The following DNAAF10 variants were observed in gnomAD, a reference collection of about 807,000 sequenced individuals.
DNAAF10 encodes dynein axonemal assembly factor 10.
DNAAF10 carries 28 observed loss-of-function variants against 43.7 expected under a neutral mutation model. The observed-to-expected ratio is 0.64, with a 90% CI of 0.48 to 0.88. The LOEUF is 0.88. Among genes scored for constraint, DNAAF10 ranks in the 40% least tolerant of loss-of-function variants. The pLI is 0.00. For missense variants in DNAAF10, 403 were observed against 439.1 expected, an observed-to-expected ratio of 0.92 and a Z score of 0.73; for synonymous variants, 156 against 157.3, an observed-to-expected ratio of 0.99 and a Z score of 0.06.
chr2:68,147,760 GAA>G (rs748149803), intron 1 of DNAAF10, among the ~76,000 whole-genome samples, 193 bp from the exon 2 acceptor site: 1 of 152,086 alleles, frequency 6.6e-6, no homozygotes, highest in Non-Finnish European at 1.5e-5. Flanking sequence ...CTGTCAAAAA[GAA>G]AAAGTGTTAA....
At chr2:68,156,696 A>G (rs764104769) in intron 1 of DNAAF10, among the ~76,000 whole-genome samples, 4 of 152,250 alleles carry the variant, frequency 2.6e-5, no homozygotes, top group Non-Finnish European at 4.4e-5. Context: ...CTGCATGTGC[A>G]GAAGCCCTGG....
intron 1 of DNAAF10, among the ~76,000 whole-genome samples, chr2:68,153,899 G>A (rs1053426674): frequency 2.0e-5 from 3 of 150,740 alleles, no homozygotes; most frequent in East Asian, 2.0e-4. Context: ...TTACAGGCAC[G>A]CACCTGACCA....
rs13009282 is a variant in DNAAF10, at chr2:68,137,346, T to G, written c.721A>C (p.Met241Leu). The G allele has an allele frequency of 1.2e-6, 2 of 1,613,342 alleles. No homozygotes were observed. Among genetic ancestry groups the G allele is most frequent in the African/African-American group, 1.3e-5 (1 of 74,954 alleles). Residue 241 changes from methionine to leucine, a missense_variant, in exon 6 of 8, where the codon ATG (methionine) becomes CTG (leucine). Met to Leu is a conservative substitution (Grantham distance 15). Transcript: ENST00000295121. ...SLEGKFHVFD[M>L]RTQHPTKGFA... ...CCTTTGGTTGGATGCTGTGTTCTCA[T>G]GTCAAAAACATGGAACTTTCCTTCC...
chr2:68,138,595 T>G, intron 5 of DNAAF10, 147 bp downstream of exon 5: 2 of 636,138 alleles, frequency 3.1e-6, no homozygotes, highest in South Asian at 4.0e-5. Context: ...CATTAGATTC[T>G]CAAACGGATT....
At position 68,131,347 on chromosome 2, in the gene DNAAF10, T is replaced by C; in HGVS notation, c.965A>G (p.Gln322Arg). Residue 322 changes from glutamine to arginine, a missense_variant, in exon 8 of 8, where the codon CAG (glutamine) becomes CGG (arginine). Gln to Arg is a conservative substitution (Grantham distance 43). Transcript: ENST00000295121. Reference sequence around the variant, plus strand: ...ACTCCAATCCAAACTTGAAATGGGCTGGGTGGACAACGTAACATTCTGCAG... The same window carrying C: ...ACTCCAATCCAAACTTGAAATGGGCCGGGTGGACAACGTAACATTCTGCAG... ...SLLQNVTLST[Q>R]PISSLDWSPD... is the part of the protein sequence containing the mutation. 2 of 1,614,176 alleles carry C rather than the reference T, an allele frequency of 1.2e-6. No homozygotes were observed. The highest frequency in any genetic ancestry group is 1.1e-5 in the South Asian group (1 of 91,090).
chr2:68,154,334 C>T (rs1377948049), intron 1 of DNAAF10, among the ~76,000 whole-genome samples: 2 of 152,196 alleles, frequency 1.3e-5, no homozygotes, highest in African/African-American at 2.4e-5. Context: ...GCAAGCTCTG[C>T]CTCCCAGGTT....
chr2:68,156,682 G>A (rs1214770235), intron 1 of DNAAF10, among the ~76,000 whole-genome samples: 1 of 152,176 alleles, frequency 6.6e-6, no homozygotes, highest in Non-Finnish European at 1.5e-5. Flanking sequence ...CCATCACTGA[G>A]CTTCTGCATG....
chr2:68,134,010 T>A (rs1247163642), intron 7 of DNAAF10: 1 of 505,068 alleles, frequency 2.0e-6, no homozygotes, highest in East Asian at 1.5e-4. Context: ...CTGAGTGATG[T>A]TTAAGAAAGA....
chr2:68,146,232 A>T (rs1387622504), intron 2 of DNAAF10, among the ~76,000 whole-genome samples: 2 of 152,200 alleles, frequency 1.3e-5, no homozygotes, highest in Admixed American at 1.3e-4. Flanking sequence ...ACTACACTCC[A>T]GCCTAGGCAA....
chr2:68,136,757 A>G (rs1031042276), intron 6 of DNAAF10, among the ~76,000 whole-genome samples: 2 of 152,076 alleles, frequency 1.3e-5, no homozygotes, highest in African/African-American at 4.8e-5. Context: ...TTCCTCATCT[A>G]TTGGTCTAAC....
rs1466445470 is a variant in DNAAF10, at chr2:68,130,935, T to C, written c.*303A>G. ...AAGTCTTTTTTTTTTTTTTTTTTTT[T>C]GAGACAGTCTTGCTCAGTTGCCCAG... On this transcript the variant is annotated 3_prime_UTR_variant, in exon 8 of 8. Coordinates refer to ENST00000295121, the MANE Select transcript of DNAAF10 (RefSeq NM_138458.4). 1 of 164,224 alleles carries C rather than the reference T, an allele frequency of 6.1e-6. No individual in the cohort carries two copies. The highest frequency in any genetic ancestry group is 1.3e-5 in the Non-Finnish European group (1 of 76,872). 10.2% of individuals were successfully genotyped at this position (164,224 alleles called of 1,614,324 possible).
At chr2:68,154,041 C>G (rs1041956486) in intron 1 of DNAAF10, among the ~76,000 whole-genome samples, 2 of 151,772 alleles carry the variant, frequency 1.3e-5, no homozygotes, top group Non-Finnish European at 2.9e-5. Flanking sequence ...GTGTGAGCAC[C>G]GCGCCCAGCC....
intron 3 of DNAAF10, 110 bp downstream of exon 3, chr2:68,144,475 T>G: frequency 7.3e-7 from 1 of 1,370,772 alleles, no homozygotes; most frequent in East Asian, 2.4e-5. Context: ...ACTGTTAGAT[T>G]TAGGGAGTCA....
rs1168490907 is a variant in DNAAF10, at chr2:68,137,339, G to C, written c.728C>G (p.Thr243Arg). The C allele has an allele frequency of 1.2e-6, 2 of 1,613,222 alleles. No individual in the cohort carries two copies. The highest frequency in any genetic ancestry group is 1.7e-5 in the Admixed American group (1 of 59,882). Residue 243 changes from threonine to arginine, a missense_variant, in exon 6 of 8, where the codon ACA (threonine) becomes AGA (arginine). Physicochemically the swap from Thr to Arg is moderately conservative, Grantham distance 71. Coordinates refer to ENST00000295121, the MANE Select transcript of DNAAF10 (RefSeq NM_138458.4). ...EGKFHVFDMR[T>R]QHPTKGFASV... is the part of the protein sequence containing the mutation. Reference sequence around the variant, plus strand: ...GGCAAAACCTTTGGTTGGATGCTGTGTTCTCATGTCAAAAACATGGAACTT... The same window carrying C: ...GGCAAAACCTTTGGTTGGATGCTGTCTTCTCATGTCAAAAACATGGAACTT...
At chr2:68,142,605 T>C (rs979630915) in intron 3 of DNAAF10, among the ~76,000 whole-genome samples, 8 of 152,172 alleles carry the variant, frequency 5.3e-5, no homozygotes, top group South Asian at 2.1e-4. Context: ...CCTGTGGCAA[T>C]AGTGAAGAGG....
intron 1 of DNAAF10, among the ~76,000 whole-genome samples, chr2:68,152,101 G>T (rs1281408931): frequency 6.6e-6 from 1 of 152,194 alleles, no homozygotes; most frequent in Non-Finnish European, 1.5e-5. Context: ...CTTGATTGCT[G>T]AGGTAAATGG....
At chr2:68,132,890 T>C (rs894778998) in intron 7 of DNAAF10, among the ~76,000 whole-genome samples, 1 of 152,220 alleles carries the variant, frequency 6.6e-6, no homozygotes, top group Non-Finnish European at 1.5e-5. Context: ...CTAAATCCGC[T>C]GTAGTAAAAA....
intron 5 of DNAAF10, 37 bp from the exon 6 acceptor site, chr2:68,137,470 C>T: frequency 6.4e-7 from 1 of 1,571,448 alleles, no homozygotes; most frequent in East Asian, 2.3e-5. Flanking sequence ...GTAGTCTCAC[C>T]AGTATTACTC....
At chr2:68,135,975 G>A (rs1021023988) in intron 6 of DNAAF10, among the ~76,000 whole-genome samples, 6 of 152,106 alleles carry the variant, frequency 3.9e-5, no homozygotes, top group Non-Finnish European at 8.8e-5. Flanking sequence ...AGCACTTTGG[G>A]AGGCTGAGGC....
Sources: allele counts gnomAD v4.1 joint callset (sites outside exome capture counted in the v4.1 genomes callset), GRCh38; gene constraint gnomAD v4.1.1; transcripts MANE v1.5; gene names NCBI Gene and HGNC (gene_info 2026-07-23, HGNC 2026-07-21).